Variants in PHF3 observed in about 807,000 individuals in gnomAD.
The protein encoded by PHF3 is PHD finger protein 3.
PHF3 carries 41 observed loss-of-function variants against 178.4 expected under a neutral mutation model. That is an observed-to-expected ratio of 0.23 (90% confidence interval 0.18 to 0.30). The LOEUF (loss-of-function observed/expected upper bound fraction) is 0.30. Ranked by LOEUF, PHF3 falls within the 10% of genes least tolerant of loss-of-function variation. The pLI, the probability that PHF3 is intolerant of heterozygous loss-of-function variation, is 1.00. For synonymous variants in PHF3, 842 were observed against 800.5 expected, an observed-to-expected ratio of 1.05 and a Z score of -0.88; for missense variants, 2,346 against 2,398.1, an observed-to-expected ratio of 0.98 and a Z score of 0.45.
chr6:63,658,472 T>G (rs769367889), intron 2 of PHF3, among the ~76,000 whole-genome samples: 2 of 152,130 alleles, frequency 1.3e-5, no homozygotes, highest in Non-Finnish European at 2.9e-5. Context: ...AGTGACTCTT[T>G]TAATTAAGTC....
At chr6:63,690,131 T>C (rs774347328) in intron 4 of PHF3, among the ~76,000 whole-genome samples, 1 of 152,280 alleles carries the variant, frequency 6.6e-6, no homozygotes, top group East Asian at 1.9e-4. Context: ...TCTGTATCAT[T>C]ATGGGCCCAT....
At chr6:63,695,972 T>C (rs892609951) in intron 6 of PHF3, among the ~76,000 whole-genome samples, 4 of 152,148 alleles carry the variant, frequency 2.6e-5, no homozygotes, top group African/African-American at 9.7e-5. Context: ...TTAGAAGACT[T>C]TGGAGGTTGG....
rs1460668018 is a variant in PHF3, at chr6:63,718,818, G to A, written c.*5110G>A. Among the ~76,000 whole-genome samples, 1 of 151,950 alleles carries A rather than the reference G, an allele frequency of 6.6e-6. No homozygotes were observed. The highest frequency in any genetic ancestry group is 1.5e-5 in the Non-Finnish European group (1 of 67,918). ...GTTCAGGCAGTTTCTTCTTTTGTAAGCTTTCATAAAACAGCCTTCTTTTTA... is the reference window on the plus strand; with the variant it reads ...GTTCAGGCAGTTTCTTCTTTTGTAAACTTTCATAAAACAGCCTTCTTTTTA... On this transcript the variant is annotated 3_prime_UTR_variant, in exon 16 of 16. Transcript: ENST00000262043.
At position 63,711,171 on chromosome 6, in the gene PHF3, T is replaced by C; in HGVS notation, c.3806T>C (p.Ile1269Thr). Residue 1269 changes from isoleucine (I) to threonine (T), a missense_variant, in exon 15 of 16, where the codon ATT becomes ACT. By Grantham distance (89) the Ile-to-Thr change is moderately conservative. Coordinates refer to ENST00000262043, the MANE Select transcript of PHF3 (RefSeq NM_001370348.2). The stretch of plus-strand genomic sequence containing the variant: ...ATTTGTTATTTTCTTGAACAGGAAA[T>C]TTGTGTGGTTCGCTTCACACCAGTA... ...EKIKASGTKE[I>T]CVVRFTPVTE... 1 of 1,584,450 alleles carries C rather than the reference T, an allele frequency of 6.3e-7. No individual in the cohort carries two copies. Among genetic ancestry groups the C allele is most frequent in the Non-Finnish European group, 8.6e-7 (1 of 1,165,298 alleles).
At chr6:63,701,561 T>C (rs1461124603) in intron 9 of PHF3, among the ~76,000 whole-genome samples, 1 of 152,216 alleles carries the variant, frequency 6.6e-6, no homozygotes. Context: ...ATATTAACTC[T>C]ACATGATTTA....
rs773783440 is a variant in PHF3, at chr6:63,712,441, C to A, written c.4853C>A (p.Ser1618Tyr). Residue 1618 changes from serine (S) to tyrosine (Y), a missense_variant, in exon 16 of 16, where the codon TCT becomes TAT. By Grantham distance (144) the Ser-to-Tyr change is moderately radical. Around this residue, in one of 8 missense-constraint regions of PHF3, gnomAD observed 839 missense variants for 806.9 expected, o/e 1.04. Coordinates refer to ENST00000262043, the MANE Select transcript of PHF3 (RefSeq NM_001370348.2). ...ACTTCAAATAGTTCTCCATGCAGAT[C>A]TAATGTAGGAAAAGGAAACATAGAT... ...NQTSNSSPCR[S>Y]NVGKGNIDGN... is the part of the protein sequence containing the mutation. 1 of 1,613,818 alleles carries A rather than the reference C, an allele frequency of 6.2e-7. No individual in the cohort carries two copies. The highest frequency in any genetic ancestry group is 1.3e-5 in the African/African-American group (1 of 74,886).
At chr6:63,703,160 G>T (rs1452735095) in intron 10 of PHF3, among the ~76,000 whole-genome samples, 1 of 152,184 alleles carries the variant, frequency 6.6e-6, no homozygotes, top group Admixed American at 6.5e-5. Context: ...TCACAGGTGT[G>T]AGCCACCGTG....
At chr6:63,650,582 A>C (rs989154077) in intron 2 of PHF3, among the ~76,000 whole-genome samples, 3 of 152,220 alleles carry the variant, frequency 2.0e-5, no homozygotes, top group African/African-American at 7.2e-5. Flanking sequence ...ATATGTTAAG[A>C]CTAGTTTTAC....
At chr6:63,637,740 C>T (rs1764407082) in intron 1 of PHF3, among the ~76,000 whole-genome samples, 1 of 152,070 alleles carries the variant, frequency 6.6e-6, no homozygotes. Context: ...GTGATGATTC[C>T]TCTGATTGAG....
Position 63,711,801 on chromosome 6 carries a change from G to A in PHF3, c.4213G>A (p.Val1405Ile). The part of the protein sequence containing the change: ...ENDFFNSFTT[V>I]LHKQRNKPQQ... ...TGACTTTTTTAATTCTTTTACAACTGTATTACACAAGCAGAGAAATAAACC... is the reference window on the plus strand; with the variant it reads ...TGACTTTTTTAATTCTTTTACAACTATATTACACAAGCAGAGAAATAAACC... Residue 1405 changes from valine to isoleucine, a missense_variant, in exon 16 of 16, where the codon GTA (valine) becomes ATA (isoleucine). Physicochemically the swap from Val to Ile is conservative, Grantham distance 29 (BLOSUM62 3). Around this residue, in one of 8 missense-constraint regions of PHF3, gnomAD observed 839 missense variants for 806.9 expected, o/e 1.04. Transcript: ENST00000262043. 2 of 1,613,790 alleles carry A rather than the reference G, an allele frequency of 1.2e-6. No homozygotes were observed. The highest frequency in any genetic ancestry group is 1.7e-6 in the Non-Finnish European group (2 of 1,179,818).
At chr6:63,696,708 G>A (rs537625489) in intron 6 of PHF3, among the ~76,000 whole-genome samples, 1 of 152,336 alleles carries the variant, frequency 6.6e-6, no homozygotes, top group South Asian at 2.1e-4. Context: ...ACTGAGACTG[G>A]TGGCCTGGAA....
chr6:63,652,595 A>G (rs1285226918), intron 2 of PHF3, among the ~76,000 whole-genome samples: 2 of 152,066 alleles, frequency 1.3e-5, no homozygotes, highest in Non-Finnish European at 1.5e-5. Context: ...TGAGGTCTCC[A>G]TAAAATTTTT....
At chr6:63,693,388 G>A (rs1326702137) in intron 5 of PHF3, among the ~76,000 whole-genome samples, 1 of 152,124 alleles carries the variant, frequency 6.6e-6, no homozygotes, top group Non-Finnish European at 1.5e-5. Context: ...GGCTGAGGTG[G>A]GCGGATCGCC....
chr6:63,647,325 T>A (rs1404298419), intron 2 of PHF3, among the ~76,000 whole-genome samples: 1 of 152,142 alleles, frequency 6.6e-6, no homozygotes, highest in Admixed American at 6.5e-5. Flanking sequence ...ACTCTATACC[T>A]CTGCTGCCCT....
Position 63,649,866 on chromosome 6 carries a change from G to A in PHF3, c.244+3071G>A, listed in dbSNP as rs540904903. 2.6e-5 allele frequency among the ~76,000 whole-genome samples: 4 copies of A among 152,252 alleles called. No homozygotes were observed. In the South Asian group the frequency reaches 8.3e-4, roughly 32 times the overall value. ...GTATTTTCCCAAGTAACAGGTTTGA[G>A]ATAGTGAATATACTGTTTATATATA... is the stretch of plus-strand genomic sequence containing the variant. On this transcript the variant is annotated intron_variant, in intron 2 of 15. Transcript: ENST00000262043.
Position 63,703,303 on chromosome 6 carries a change from TAGAA to T in PHF3, c.3232-232_3232-229del, listed in dbSNP as rs749658838. Among the ~76,000 whole-genome samples, 78 of 152,200 alleles carry T rather than the reference TAGAA, an allele frequency of 5.1e-4. 1 individual carries two copies. The highest frequency in any genetic ancestry group is 9.6e-4 in the Non-Finnish European group (65 of 68,032). On this transcript the variant is annotated intron_variant, in intron 10 of 15. Transcript: ENST00000262043. The stretch of plus-strand genomic sequence containing the variant: ...GTGAAGAAATAATTTGAAATCTTAC[TAGAA>T]GGCTTGAAGAATGGGGAATGTTTTA...
chr6:63,720,598 A>G lies in PHF3; in HGVS notation c.*6890A>G. ...GTACTAAAATCTCTAGTGTTAACTT[A>G]TGTAACCTCATTTTGTTCATCTCCA... is the stretch of plus-strand genomic sequence containing the variant. On this transcript the variant is annotated 3_prime_UTR_variant, in exon 16 of 16. Coordinates refer to ENST00000262043, the MANE Select transcript of PHF3 (RefSeq NM_001370348.2). 6.8e-7 allele frequency: 1 copy of G among 1,470,960 alleles called. No individual in the cohort carries two copies. The allele number at this position is 1,470,960 out of a possible 1,614,324, so 91.1% of individuals were successfully genotyped here.
At position 63,698,285 on chromosome 6, in the gene PHF3, C is replaced by G; in HGVS notation, c.2743C>G (p.Pro915Ala). Residue 915 changes from proline to alanine, a missense_variant, in exon 7 of 16, where the codon CCT becomes GCT. Transcript: ENST00000262043. The stretch of plus-strand genomic sequence containing the variant: ...TGAAAAAGGAGTGCTTAATGTACAT[C>G]CTGCTGCTTCTGCTTCCAAGCCTTC... Reference protein sequence around the residue: ...KVEKGVLNVHPAASASKPSAD... With the variant: ...KVEKGVLNVHAAASASKPSAD... 1 of 1,612,952 alleles carries G rather than the reference C, an allele frequency of 6.2e-7. No homozygotes were observed. The highest frequency in any genetic ancestry group is 8.5e-7 in the Non-Finnish European group (1 of 1,179,188).
At position 63,714,234 on chromosome 6, in the gene PHF3, G is replaced by C. The variant is rs1768104619; in HGVS notation, c.*526G>C. The C allele has an allele frequency of 6.5e-6, 1 of 152,756 alleles. No individual in the cohort carries two copies. Among genetic ancestry groups the C allele is most frequent in the African/African-American group, 2.4e-5 (1 of 41,412 alleles). The allele number at this position is 152,756 out of a possible 1,614,324, so 9.5% of individuals were successfully genotyped here. A position where few individuals can be genotyped will look rare whatever the true frequency, so the allele number is the denominator to read the frequency against. ...TTTGACCAAGAATCAGAAGCCCAAG[G>C]GGTACATTTATTGCTTTAATCTGCA... On this transcript the variant is annotated 3_prime_UTR_variant, in exon 16 of 16. Coordinates refer to ENST00000262043, the MANE Select transcript of PHF3 (RefSeq NM_001370348.2).
Sources: gnomAD v4.1 joint callset for allele counts (sites outside exome capture counted in the v4.1 genomes callset) on GRCh38, gnomAD v4.1.1 for gene constraint, gnomAD v4.1.1 regional missense constraint, MANE v1.5 for transcripts, NCBI Gene and HGNC (gene_info 2026-07-23, HGNC 2026-07-21) for gene names.